KHDRBS1: variants seen among roughly 807,000 people sequenced by gnomAD.
KHDRBS1 encodes the protein KH RNA binding domain containing, signal transduction associated 1.
In KHDRBS1, 7 loss-of-function variants were observed where a neutral mutation model predicts 48.4. The observed-to-expected ratio is 0.14, with a 90% CI of 0.08 to 0.27. KHDRBS1 has a LOEUF of 0.27. KHDRBS1 is among the 10% of genes least tolerant of loss of function. KHDRBS1 has a pLI of 1.00. For synonymous variants in KHDRBS1, 241 were observed against 235.8 expected, an observed-to-expected ratio of 1.02 and a Z score of -0.20; for missense variants, 458 against 601.2, an observed-to-expected ratio of 0.76 and a Z score of 2.49.
At chr1:32,055,426 C>A (rs1027806242) in intron 10 of KHDRBS1, among the ~76,000 whole-genome samples, 1 of 152,006 alleles carries the variant, frequency 6.6e-6, no homozygotes, top group African/African-American at 2.4e-5. Flanking sequence ...CCAGCCTGGG[C>A]GACAAGAATA....
intron 10 of KHDRBS1, among the ~76,000 whole-genome samples, chr1:32,050,897 T>C (rs1639411232): frequency 6.7e-6 from 1 of 149,994 alleles, no homozygotes; most frequent in Non-Finnish European, 1.5e-5. Flanking sequence ...GTTCAAATTA[T>C]TATTTTTTTT....
chr1:32,017,906 C>T (rs549082019), intron 1 of KHDRBS1, among the ~76,000 whole-genome samples: 1 of 151,828 alleles, frequency 6.6e-6, no homozygotes, highest in Non-Finnish European at 1.5e-5. Context: ...TGCGCCCGGC[C>T]TATTTTTCTA....
At chr1:32,034,163 ACTAG>A (rs1283899863) in intron 4 of KHDRBS1, among the ~76,000 whole-genome samples, 1 of 152,216 alleles carries the variant, frequency 6.6e-6, no homozygotes, top group Non-Finnish European at 1.5e-5. Context: ...TCATCAGAAA[ACTAG>A]GAGGAGGTAA....
intron 1 of KHDRBS1, among the ~76,000 whole-genome samples, chr1:32,017,168 G>C (rs1638758437): frequency 6.6e-6 from 1 of 151,660 alleles, no homozygotes. Context: ...TGAGGCAGGA[G>C]AATCACTTGA....
At chr1:32,021,877 C>G (rs1325941008) in intron 1 of KHDRBS1, among the ~76,000 whole-genome samples, 2 of 151,916 alleles carry the variant, frequency 1.3e-5, no homozygotes, top group African/African-American at 2.4e-5. Flanking sequence ...TCTTGAACTT[C>G]TGACCTCAGG....
At chr1:32,022,522 T>C (rs1228795151) in intron 1 of KHDRBS1, among the ~76,000 whole-genome samples, 1 of 152,164 alleles carries the variant, frequency 6.6e-6, no homozygotes, top group Non-Finnish European at 1.5e-5. Context: ...CTGAGAATCT[T>C]GCTCTCCTAG....
In KHDRBS1 at chr1:32,018,987, C is replaced by T. The variant is rs1179266356; in HGVS notation, c.382+4610C>T. ...TCGGGAGCCTGTAATTCCAGCTACT[C>T]AGGAGGCTGAGGCAGGAGAATCACT... On this transcript the variant is annotated intron_variant, in intron 1 of 8. Transcript: ENST00000327300. 6.1e-5 allele frequency among the ~76,000 whole-genome samples: 9 copies of T among 148,530 alleles called. No individual in the cohort carries two copies. The East Asian group carries it at 1.4e-3, about 24-fold the overall frequency.
At chr1:32,057,627 G>A (rs1328479465) in intron 10 of KHDRBS1, among the ~76,000 whole-genome samples, 8 of 145,668 alleles carry the variant, frequency 5.5e-5, no homozygotes, top group East Asian at 2.2e-4. Flanking sequence ...AGTGAAACCC[G>A]TCTCTACTAA....
downstream of KHDRBS1, among the ~76,000 whole-genome samples, chr1:32,045,053 G>A (rs1639341375): frequency 6.6e-6 from 1 of 152,116 alleles, no homozygotes; most frequent in Admixed American, 6.6e-5. Context: ...CACAAAGTCT[G>A]ACATCTTAAA....
rs1409464048 is a variant in KHDRBS1, at chr1:32,037,955, T to C, written c.1026T>C (p.Ala342=). Residue 342 remains alanine, a synonymous_variant, in exon 6 of 9, where the codon GCT becomes GCC. Transcript: ENST00000327300. ...GVPPPPTVRG[A]PAPRARTAGI... ...CACCCCCACCTACTGTGAGGGGTGC[T>C]CCAGCACCAAGAGCACGGACAGCGG... 6.2e-7 allele frequency: 1 copy of C among 1,614,218 alleles called. No homozygotes were observed. The highest frequency in any genetic ancestry group is 1.7e-5 in the Admixed American group (1 of 60,012).
chr1:32,052,174 C>T (rs1352614522), intron 10 of KHDRBS1: 3 of 152,050 alleles, frequency 2.0e-5, no homozygotes, highest in Non-Finnish European at 4.4e-5. Flanking sequence ...GGTAATTTAC[C>T]ATGGTTGCAT....
intron 4 of KHDRBS1, among the ~76,000 whole-genome samples, chr1:32,036,662 G>C (rs777906425): frequency 6.6e-6 from 1 of 152,088 alleles, no homozygotes; most frequent in South Asian, 2.1e-4. Flanking sequence ...GTTATATATA[G>C]AGAGAGAATG....
chr1:32,043,525 T>C lies in KHDRBS1; in HGVS notation c.*901T>C, dbSNP rs1274001015. Reference sequence around the variant, plus strand: ...ATTTTCAGTATTTAAAAAGACAAAGTATTTTGTCCATTTGAGATTCTGCAC... The same window carrying C: ...ATTTTCAGTATTTAAAAAGACAAAGCATTTTGTCCATTTGAGATTCTGCAC... On this transcript the variant is annotated 3_prime_UTR_variant, in exon 9 of 9. Coordinates refer to ENST00000327300, the MANE Select transcript of KHDRBS1 (RefSeq NM_006559.3). The C allele has an allele frequency of 6.6e-6, 1 of 152,584 alleles. No individual in the cohort carries two copies. The highest frequency in any genetic ancestry group is 1.5e-5 in the Non-Finnish European group (1 of 68,016). The allele number at this position is 152,584 out of a possible 1,614,324, so 9.5% of individuals were successfully genotyped here. A position where few individuals can be genotyped will look rare whatever the true frequency, so the allele number is the denominator to read the frequency against.
rs1156784732 is a variant in KHDRBS1 at position 32,042,772 on chromosome 1, C to G, written c.*148C>G. 1 of 570,786 alleles carries G rather than the reference C, an allele frequency of 1.8e-6. No homozygotes were observed. The highest frequency in any genetic ancestry group is 3.2e-6 in the Non-Finnish European group (1 of 316,368). 35.4% of individuals were successfully genotyped at this position (570,786 alleles called of 1,614,324 possible). On this transcript the variant is annotated 3_prime_UTR_variant, in exon 9 of 9. Coordinates refer to ENST00000327300, the MANE Select transcript of KHDRBS1 (RefSeq NM_006559.3). The stretch of plus-strand genomic sequence containing the variant: ...GTCCCCTTCTTCTCCCCACCTTATT[C>G]CATTCTTAACTCTGCATTCTGGCTT...
At chr1:32,027,978 A>G (rs1184349122) in intron 1 of KHDRBS1, among the ~76,000 whole-genome samples, 1 of 152,144 alleles carries the variant, frequency 6.6e-6, no homozygotes, top group African/African-American at 2.4e-5. Flanking sequence ...TTAGCCGGGC[A>G]TAGTGGCGCA....
chr1:32,028,435 T>C (rs943379980), intron 1 of KHDRBS1, among the ~76,000 whole-genome samples: 6 of 151,048 alleles, frequency 4.0e-5, no homozygotes, highest in Non-Finnish European at 8.8e-5. Flanking sequence ...TTCTCTGATA[T>C]TTAGAATGTT....
chr1:32,041,343 A>G (rs980609738), intron 8 of KHDRBS1, among the ~76,000 whole-genome samples: 1 of 152,224 alleles, frequency 6.6e-6, no homozygotes, highest in African/African-American at 2.4e-5. Flanking sequence ...AGATGGAGGC[A>G]GATACTTGTG....
chr1:32,034,978 C>G (rs550066364), intron 4 of KHDRBS1, among the ~76,000 whole-genome samples: 2 of 141,720 alleles, frequency 1.4e-5, no homozygotes, highest in Non-Finnish European at 3.0e-5. Flanking sequence ...GAGGCTCTGT[C>G]TCAAAAAAAA....
At chr1:32,020,415 T>A (rs557203596) in intron 1 of KHDRBS1, among the ~76,000 whole-genome samples, 1 of 150,468 alleles carries the variant, frequency 6.6e-6, no homozygotes, top group East Asian at 2.0e-4. Context: ...AACAGTGAGA[T>A]CCTGTCTCAA....
Sources: allele counts gnomAD v4.1 joint callset (sites outside exome capture counted in the v4.1 genomes callset), GRCh38; gene constraint gnomAD v4.1.1; transcripts MANE v1.5; gene names NCBI Gene and HGNC (gene_info 2026-07-23, HGNC 2026-07-21).